KIF2A: variants seen among roughly 807,000 people sequenced by gnomAD.
KIF2A encodes the protein kinesin family member 2A.
KIF2A carries 22 observed loss-of-function variants against 100.2 expected under a neutral mutation model. The ratio of observed to expected loss-of-function variants is 0.22; its 90% CI spans 0.16 to 0.31. The LOEUF (loss-of-function observed/expected upper bound fraction) is 0.31, where lower values mean the gene tolerates loss of function less well. Among genes scored for constraint, KIF2A ranks in the 10% least tolerant of loss-of-function variants. The probability of loss-of-function intolerance (pLI) is 1.00; values close to 1 mark genes in which losing one functional copy is unlikely to be tolerated. For synonymous variants in KIF2A, 268 were observed against 285.9 expected (o/e 0.94, Z 0.63); for missense variants, 495 against 898.7 (o/e 0.55, Z 5.74).
chr5:62,389,111 TATATAGTTCTATACCA>T lies in KIF2A; in HGVS notation c.*3543_*3558del. 1.4e-6 allele frequency: 2 copies of T among 1,400,554 alleles called. No individual in the cohort carries two copies. Among genetic ancestry groups the T allele is most frequent in the Admixed American group, 3.8e-5 (2 of 53,252 alleles). The allele number at this position is 1,400,554 out of a possible 1,614,324, so 86.8% of individuals were successfully genotyped here. On this transcript the variant is annotated 3_prime_UTR_variant, in exon 21 of 21. Transcript: ENST00000407818. ...AAAGCTAATTTGTAGCACATAACGG[TATATAGTTCTATACCA>T]TTAATACTAAAACATGAATACAGCA...
At chr5:62,382,359 T>A (rs1310023019) in intron 20 of KIF2A, among the ~76,000 whole-genome samples, 1 of 152,118 alleles carries the variant, frequency 6.6e-6, no homozygotes, top group African/African-American at 2.4e-5. Context: ...GAGGATCACT[T>A]GATCCCAGGA....
In KIF2A at chr5:62,390,161, G is replaced by A. The variant is rs1264121397; in HGVS notation, c.*4592G>A. 2.6e-5 allele frequency among the ~76,000 whole-genome samples: 4 copies of A among 152,146 alleles called. No individual in the cohort carries two copies. Among genetic ancestry groups the A allele is most frequent in the Non-Finnish European group, 4.4e-5 (3 of 68,020 alleles). ...CCTCTAGAACATGGAAGCTTTAAAA[G>A]TGAATTGGCTAAATAGGCAAGACCT... On this transcript the variant is annotated 3_prime_UTR_variant, in exon 21 of 21. Transcript: ENST00000407818.
At chr5:62,371,099 T>G (rs927822896) in intron 16 of KIF2A, among the ~76,000 whole-genome samples, 1 of 151,966 alleles carries the variant, frequency 6.6e-6, no homozygotes, top group African/African-American at 2.4e-5. Context: ...AGACCTCATC[T>G]CTACAAAAAA....
At chr5:62,330,923 AT>A (rs1175675634) in intron 1 of KIF2A, among the ~76,000 whole-genome samples, 1 of 152,132 alleles carries the variant, frequency 6.6e-6, no homozygotes, top group Non-Finnish European at 1.5e-5. Flanking sequence ...TTTTTAAATT[AT>A]ATTTTTTGTA....
intron 18 of KIF2A, among the ~76,000 whole-genome samples, chr5:62,377,088 T>A (rs1379279553): frequency 6.6e-6 from 1 of 152,232 alleles, no homozygotes; most frequent in African/African-American, 2.4e-5. Context: ...TTTTTTGTTG[T>A]TGATGAAGTA....
At position 62,315,885 on chromosome 5, in the gene KIF2A, T is replaced by C. The variant is rs1422000715; in HGVS notation, c.64+9349T>C. 3.3e-5 allele frequency among the ~76,000 whole-genome samples: 5 copies of C among 152,170 alleles called. No individual in the cohort carries two copies. In the East Asian group the frequency reaches 5.8e-4, roughly 18 times the overall value. ...AGCAATGATTAAGGAACAGATGATA[T>C]GCAGAACACACAGCAAGAAGAATTG... On this transcript the variant is annotated intron_variant, in intron 1 of 20. Coordinates refer to ENST00000407818, the MANE Select transcript of KIF2A (RefSeq NM_001098511.3).
intron 1 of KIF2A, among the ~76,000 whole-genome samples, chr5:62,327,745 C>A (rs753752615): frequency 3.3e-5 from 5 of 152,154 alleles, no homozygotes; most frequent in Non-Finnish European, 7.3e-5. Flanking sequence ...ATTTTCCTAA[C>A]CGAAATTGGC....
intron 1 of KIF2A, among the ~76,000 whole-genome samples, chr5:62,307,760 G>T (rs754852119): frequency 1.3e-5 from 2 of 151,916 alleles, no homozygotes; most frequent in African/African-American, 4.8e-5. Context: ...TGGGATTACA[G>T]GCGTTGTCAC....
intron 4 of KIF2A, among the ~76,000 whole-genome samples, chr5:62,350,481 C>G (rs1451758930): frequency 6.6e-6 from 1 of 151,870 alleles, no homozygotes; most frequent in African/African-American, 2.4e-5. Context: ...TTCCATGTTG[C>G]CTGGGCTGGT....
At chr5:62,320,792 T>C (rs1746055993) in intron 1 of KIF2A, among the ~76,000 whole-genome samples, 2 of 150,270 alleles carry the variant, frequency 1.3e-5, no homozygotes, top group South Asian at 4.3e-4. Context: ...CTAATAAACC[T>C]AAAGAGCCCT....
In KIF2A at chr5:62,373,777, A is replaced by G; in HGVS notation, c.1851A>G (p.Thr617=). The G allele has an allele frequency of 6.2e-7, 1 of 1,613,314 alleles. No homozygotes were observed. The highest frequency in any genetic ancestry group is 1.1e-5 in the South Asian group (1 of 91,054). ...CAAACCAGATTGATGACTTAGAGACACAGTGGGGTGTGGGGAGTTCCCCTC... is the reference window on the plus strand; with the variant it reads ...CAAACCAGATTGATGACTTAGAGACGCAGTGGGGTGTGGGGAGTTCCCCTC... The part of the protein sequence containing the change: ...HPPNQIDDLE[T]QWGVGSSPQR... The change falls in exon 18 of 21, where the codon ACA becomes ACG. Residue 617 remains threonine (T), a synonymous_variant. Transcript: ENST00000407818.
At chr5:62,324,805 G>C (rs1245349273) in intron 1 of KIF2A, among the ~76,000 whole-genome samples, 1 of 151,738 alleles carries the variant, frequency 6.6e-6, no homozygotes, top group Non-Finnish European at 1.5e-5. Context: ...CCTTATCAAA[G>C]AATGTATGAC....
At chr5:62,328,007 A>G (rs1472952650) in intron 1 of KIF2A, among the ~76,000 whole-genome samples, 3 of 152,242 alleles carry the variant, frequency 2.0e-5, no homozygotes, top group Non-Finnish European at 4.4e-5. Flanking sequence ...CCTTTTGGGT[A>G]AATAAGCCAG....
chr5:62,388,153 G>A lies in KIF2A; in HGVS notation c.*2584G>A, dbSNP rs1414032080. The A allele has an allele frequency of 6.6e-6, 1 of 151,988 alleles. No individual in the cohort carries two copies. Among genetic ancestry groups the A allele is most frequent in the Non-Finnish European group, 1.5e-5 (1 of 68,008 alleles). The allele number at this position is 151,988 out of a possible 1,614,324, so 9.4% of individuals were successfully genotyped here. A position where few individuals can be genotyped will look rare whatever the true frequency, so the allele number is the denominator to read the frequency against. On this transcript the variant is annotated 3_prime_UTR_variant, in exon 21 of 21. Transcript: ENST00000407818. ...GCACCAGGTATATGAAAAAGGAACT[G>A]GAAATTTTAATTGTCCAGAAATCAT...
At chr5:62,340,821 A>G (rs199868809) in intron 1 of KIF2A, among the ~76,000 whole-genome samples, 54 of 152,234 alleles carry the variant, frequency 3.5e-4, no homozygotes, top group African/African-American at 1.1e-3. Context: ...AAAAATTATA[A>G]ATTTGTATTA....
chr5:62,332,356 C>T (rs966008634), intron 1 of KIF2A, among the ~76,000 whole-genome samples: 2 of 152,006 alleles, frequency 1.3e-5, no homozygotes, highest in South Asian at 2.1e-4. Flanking sequence ...TCATTTGTGG[C>T]TTTTTTCTTT....
chr5:62,356,987 T>C (rs919015512), intron 7 of KIF2A, among the ~76,000 whole-genome samples: 1 of 151,962 alleles, frequency 6.6e-6, no homozygotes, highest in African/African-American at 2.4e-5. Context: ...AGTTTTACCA[T>C]GTTGGCCAGG....
intron 1 of KIF2A, among the ~76,000 whole-genome samples, chr5:62,327,290 T>C (rs1746424503): frequency 6.6e-6 from 1 of 152,218 alleles, no homozygotes; most frequent in South Asian, 2.1e-4. Context: ...TCATTATTGC[T>C]CTGCCTGAAA....
chr5:62,326,694 A>G (rs1480058063), intron 1 of KIF2A, among the ~76,000 whole-genome samples: 1 of 142,892 alleles, frequency 7.0e-6, no homozygotes, highest in Non-Finnish European at 1.5e-5. Flanking sequence ...CTCCCATCCG[A>G]AAAAAAAAAA....
Sources: allele counts gnomAD v4.1 joint callset (sites outside exome capture counted in the v4.1 genomes callset), GRCh38; gene constraint gnomAD v4.1.1; transcripts MANE v1.5; gene names NCBI Gene and HGNC (gene_info 2026-07-23, HGNC 2026-07-21).